The following SV2B variants were observed in gnomAD, a reference collection of about 807,000 sequenced individuals.
SV2B encodes the protein synaptic vesicle glycoprotein 2B, also known as solute carrier family 22 member B2.
In SV2B, 41 loss-of-function variants were observed where a neutral mutation model predicts 73.9. The observed-to-expected ratio is 0.56, with a 90% CI of 0.43 to 0.72. The LOEUF is 0.72. Among genes scored for constraint, SV2B ranks in the 30% least tolerant of loss-of-function variants. The pLI is 0.00. For missense variants in SV2B, 764 were observed against 857.8 expected, an observed-to-expected ratio of 0.89 and a Z score of 1.37; for synonymous variants, 314 against 314.2, an observed-to-expected ratio of 1.00 and a Z score of 0.01.
At position 91,302,301 on chromosome 15, in the gene SV2B, G is replaced by T. The variant is rs1275891665; in HGVS notation, c.*9749G>T. Among the ~76,000 whole-genome samples the T allele has an allele frequency of 6.6e-6, 1 of 152,064 alleles. No homozygotes were observed. Among genetic ancestry groups the T allele is most frequent in the Non-Finnish European group, 1.5e-5 (1 of 68,012 alleles). On this transcript the variant is annotated 3_prime_UTR_variant, in exon 13 of 13. Transcript: ENST00000394232. Reference sequence around the variant, plus strand: ...ACTTAACACTGCAGCTGTAACTCTGGGTCCGGGTCTTGGTGGCTCCTGCTT... The same window carrying T: ...ACTTAACACTGCAGCTGTAACTCTGTGTCCGGGTCTTGGTGGCTCCTGCTT...
upstream of SV2B, chr15:91,099,839 G>T (rs1185940173): frequency 2.6e-5 from 4 of 152,244 alleles, no homozygotes; most frequent in East Asian, 5.8e-4. Flanking sequence ...AGTTCGGAGT[G>T]GGTGGAAGGG....
chr15:91,256,090 A>G (rs2141630168), intron 4 of SV2B, among the ~76,000 whole-genome samples: 1 of 152,334 alleles, frequency 6.6e-6, no homozygotes, highest in South Asian at 2.1e-4. Context: ...CTCACGGGTA[A>G]AGCTCAGAAA....
chr15:91,206,972 G>A (rs1249362139), intron 1 of SV2B, among the ~76,000 whole-genome samples: 5 of 152,024 alleles, frequency 3.3e-5, no homozygotes, highest in Admixed American at 3.3e-4. Flanking sequence ...AGAGTGAGAA[G>A]GGAGAGTTTT....
rs539432162 is a variant in SV2B, at chr15:91,128,774, G to A, written c.-392+28411G>A. The A allele has an allele frequency of 6.6e-6, 1 of 152,432 alleles. No homozygotes were observed. Among genetic ancestry groups the A allele is most frequent in the South Asian group, 2.1e-4 (1 of 4,832 alleles). The allele number at this position is 152,432 out of a possible 1,614,324, so 9.4% of individuals were successfully genotyped here. On this transcript the variant is annotated intron_variant, in intron 1 of 12. Transcript: ENST00000394232. This position sits in a 1 kb window ranked among gnomAD's most constrained non-coding sequence, Gnocchi z 4.2. ...GCCCTGCCCCACACCCAGAAGGAAG[G>A]AATGCTGCCCAGAGATGACCAGAGG...
intron 1 of SV2B, among the ~76,000 whole-genome samples, chr15:91,160,621 TAAATA>T (rs906638927): frequency 6.6e-6 from 1 of 151,856 alleles, no homozygotes; most frequent in South Asian, 2.1e-4. Context: ...AGTAAACAAA[TAAATA>T]AAATAAAAAT....
intron 1 of SV2B, among the ~76,000 whole-genome samples, chr15:91,176,955 A>G (rs2044333638): frequency 6.6e-6 from 1 of 152,130 alleles, no homozygotes; most frequent in African/African-American, 2.4e-5. Flanking sequence ...TTTAGACATG[A>G]AGTCCTTGCC....
intron 1 of SV2B, among the ~76,000 whole-genome samples, chr15:91,152,922 A>G (rs2043359103): frequency 6.6e-6 from 1 of 152,110 alleles, no homozygotes; most frequent in Non-Finnish European, 1.5e-5. Flanking sequence ...ATAGAAATCT[A>G]TTTCTCACAG....
chr15:91,224,674 C>T lies in SV2B; in HGVS notation c.-391-1199C>T, dbSNP rs550244636. On this transcript the variant is annotated intron_variant, in intron 1 of 12. Transcript: ENST00000394232. This position sits in a 1 kb window ranked among gnomAD's most constrained non-coding sequence, Gnocchi z 4.9. ...GGTCCTAATGCTGTGACCTTGATCG[C>T]GTTACTAACCCACTCGGAGACAGTT... Among the ~76,000 whole-genome samples, 14 of 152,290 alleles carry T rather than the reference C, an allele frequency of 9.2e-5. No homozygotes were observed. The highest frequency in any genetic ancestry group is 2.6e-4 in the African/African-American group (11 of 41,554).
chr15:91,222,798 C>G (rs577255185), intron 1 of SV2B, among the ~76,000 whole-genome samples: 3 of 152,286 alleles, frequency 2.0e-5, no homozygotes, highest in African/African-American at 4.8e-5. Flanking sequence ...AGAGAACAAT[C>G]TTGTTTTACC....
At position 91,294,548 on chromosome 15, in the gene SV2B, T is replaced by C. The variant is rs2049155441; in HGVS notation, c.*1996T>C. Reference sequence around the variant, plus strand: ...CAATAATGAAAGGCTCGATGTAATATAGCTGTAATTTACTTTCCATATGAA... The same window carrying C: ...CAATAATGAAAGGCTCGATGTAATACAGCTGTAATTTACTTTCCATATGAA... On this transcript the variant is annotated 3_prime_UTR_variant, in exon 13 of 13. Transcript: ENST00000394232. This position sits in a 1 kb window ranked among gnomAD's most constrained non-coding sequence, Gnocchi z 4.1. 1.3e-5 allele frequency: 2 copies of C among 152,202 alleles called. No homozygotes were observed. Among genetic ancestry groups the C allele is most frequent in the Admixed American group, 1.3e-4 (2 of 15,276 alleles). 9.4% of individuals were successfully genotyped at this position (152,202 alleles called of 1,614,324 possible).
At chr15:91,206,919 T>C (rs775300023) in intron 1 of SV2B, among the ~76,000 whole-genome samples, 2 of 152,116 alleles carry the variant, frequency 1.3e-5, no homozygotes, top group Non-Finnish European at 2.9e-5. Context: ...GAAAAGCAGA[T>C]TGATGCAACC....
At chr15:91,246,548 C>T (rs939615996) in intron 2 of SV2B, among the ~76,000 whole-genome samples, 13 of 152,176 alleles carry the variant, frequency 8.5e-5, no homozygotes, top group African/African-American at 3.1e-4. Context: ...AGTCATGGAG[C>T]CAGGACCATG....
intron 1 of SV2B, among the ~76,000 whole-genome samples, chr15:91,168,780 T>C (rs1227001745): frequency 6.6e-6 from 1 of 152,372 alleles, no homozygotes; most frequent in East Asian, 1.9e-4. Context: ...AGTTGCTTTA[T>C]CTAAATTGTC....
At position 91,284,202 on chromosome 15, in the gene SV2B, T is replaced by A. The variant is rs370996431; in HGVS notation, c.1689T>A (p.Ile563=). 9.3e-5 allele frequency: 150 copies of A among 1,614,066 alleles called. No homozygotes were observed. Among genetic ancestry groups the A allele is most frequent in the Non-Finnish European group, 1.2e-4 (143 of 1,180,022 alleles). ...TTTCTGCCCTGCTCATGGATAGAAT[T>A]GGAAGGCTCAAGATGATTGGTGAGT... The part of the protein sequence containing the change: ...NIISALLMDR[I]GRLKMIGGSM... Residue 563 remains isoleucine (I), a synonymous_variant, in exon 11 of 13, where the codon ATT becomes ATA. Coordinates refer to ENST00000394232, the MANE Select transcript of SV2B (RefSeq NM_001323032.3). The surrounding 1 kb of genome is among the most constrained non-coding windows in gnomAD (Gnocchi z 4.5).
rs2049107141 is a variant in SV2B, at chr15:91,293,202, G to A, written c.*650G>A. ...ACATTTAAGAAGGATATTTATTTCT[G>A]TTTTGCTCTATTCAAAGAAACGGAA... On this transcript the variant is annotated 3_prime_UTR_variant, in exon 13 of 13. Coordinates refer to ENST00000394232, the MANE Select transcript of SV2B (RefSeq NM_001323032.3). The A allele has an allele frequency of 1.3e-5, 2 of 152,114 alleles. No individual in the cohort carries two copies. The highest frequency in any genetic ancestry group is 2.4e-5 in the African/African-American group (1 of 41,418). 9.4% of individuals were successfully genotyped at this position (152,114 alleles called of 1,614,324 possible). A position where few individuals can be genotyped will look rare whatever the true frequency, so the allele number is the denominator to read the frequency against.
At chr15:91,235,700 A>G (rs73518202) in intron 2 of SV2B, among the ~76,000 whole-genome samples, 1 of 152,192 alleles carries the variant, frequency 6.6e-6, no homozygotes, top group Non-Finnish European at 1.5e-5. Flanking sequence ...TTATTCCAAC[A>G]TCAGAGGAGA....
chr15:91,252,062 C>T lies in SV2B; in HGVS notation c.632+63C>T. 2 of 1,572,088 alleles carry T rather than the reference C, an allele frequency of 1.3e-6. No individual in the cohort carries two copies. The highest frequency in any genetic ancestry group is 1.7e-6 in the Non-Finnish European group (2 of 1,156,712). ...CCAATGGCCCATCCATTCTGGTATT[C>T]TAGCTCCAAGAGGTAACTCTAGAAA... On this transcript the variant is annotated intron_variant, in intron 3 of 12. Transcript: ENST00000394232. This position sits in a 1 kb window ranked among gnomAD's most constrained non-coding sequence, Gnocchi z 4.6.
At chr15:91,199,836 G>T (rs577283552) in intron 1 of SV2B, among the ~76,000 whole-genome samples, 2 of 152,304 alleles carry the variant, frequency 1.3e-5, no homozygotes, top group South Asian at 4.1e-4. Context: ...ATGATGATGA[G>T]GCAGCAAACA....
Position 91,241,640 on chromosome 15 carries a change from T to C in SV2B, c.452-10179T>C, listed in dbSNP as rs944283915. 3.3e-5 allele frequency among the ~76,000 whole-genome samples: 5 copies of C among 151,852 alleles called. No homozygotes were observed. The highest frequency in any genetic ancestry group is 2.1e-4 in the South Asian group (1 of 4,810). On this transcript the variant is annotated intron_variant, in intron 2 of 12. Coordinates refer to ENST00000394232, the MANE Select transcript of SV2B (RefSeq NM_001323032.3). The surrounding 1 kb of genome is among the most constrained non-coding windows in gnomAD (Gnocchi z 4.8). ...AGAAGAACTTCTATAGCCCCTGTTA[T>C]CACACCTACCTTCCTCGCTGCCTCT...
Sources: gnomAD v4.1 joint callset for allele counts (sites outside exome capture counted in the v4.1 genomes callset) on GRCh38, gnomAD v4.1.1 for gene constraint, Gnocchi (gnomAD v3.1) non-coding constraint, MANE v1.5 for transcripts, NCBI Gene and HGNC (gene_info 2026-07-23, HGNC 2026-07-21) for gene names.